Variants in NRP1 observed in about 807,000 individuals in gnomAD.
NRP1 encodes neuropilin 1, also known as neuropilin-1.
In NRP1, 35 loss-of-function variants were observed where a neutral mutation model predicts 106.7. The observed-to-expected ratio is 0.33, with a 90% confidence interval of 0.25 to 0.43. The LOEUF is 0.43. NRP1 is among the 20% of genes least tolerant of loss of function. The pLI is 1.00. For missense variants in NRP1, 1,024 were observed against 1,170.4 expected (o/e 0.87, Z 1.83); for synonymous variants, 437 against 417.9 (o/e 1.05, Z -0.56).
intron 8 of NRP1, among the ~76,000 whole-genome samples, chr10:33,217,445 A>C (rs759832999): frequency 1.3e-5 from 2 of 152,178 alleles, no homozygotes; most frequent in Non-Finnish European, 2.9e-5. Context: ...CACTTTTAAC[A>C]ATAATTTGCA....
chr10:33,247,686 C>A (rs1841525352), intron 6 of NRP1, among the ~76,000 whole-genome samples: 1 of 152,206 alleles, frequency 6.6e-6, no homozygotes, highest in Non-Finnish European at 1.5e-5. Flanking sequence ...ATCAGAGTGG[C>A]CAGAGAGCTT....
At chr10:33,202,695 G>A (rs755741596) in intron 11 of NRP1, 196 bp downstream of exon 11, 1 of 1,550,390 alleles carries the variant, frequency 6.4e-7, no homozygotes, top group Admixed American at 2.0e-5. Context: ...GTTACAAATG[G>A]TTGTGGCTAT....
At chr10:33,218,471 G>T (rs1217260708) in intron 8 of NRP1, among the ~76,000 whole-genome samples, 1 of 151,218 alleles carries the variant, frequency 6.6e-6, no homozygotes, top group Admixed American at 6.6e-5. Context: ...TCAGCCTTCT[G>T]AGTAGCTGGG....
At position 33,323,339 on chromosome 10, in the gene NRP1, A is replaced by G. The variant is rs185384306; in HGVS notation, c.248+7369T>C. 1.1e-4 allele frequency among the ~76,000 whole-genome samples: 16 copies of G among 152,360 alleles called. No homozygotes were observed. The East Asian group carries it at 2.9e-3, about 28-fold the overall frequency. The stretch of plus-strand genomic sequence containing the variant: ...CATGTTGACCAAAGAAGATCTAGCA[A>G]TAAAGACCTGGGCTTGATGAGGAGG... On this transcript the variant is annotated intron_variant, in intron 2 of 16. Transcript: ENST00000374867.
chr10:33,209,922 C>T (rs1838163602), intron 9 of NRP1, among the ~76,000 whole-genome samples: 1 of 152,210 alleles, frequency 6.6e-6, no homozygotes, highest in Admixed American at 6.5e-5. Context: ...GCTGGCCGGC[C>T]CCAGGCCATG....
At chr10:33,206,781 A>G (rs954918084) in intron 10 of NRP1, among the ~76,000 whole-genome samples, 3 of 152,214 alleles carry the variant, frequency 2.0e-5, no homozygotes, top group African/African-American at 7.2e-5. Flanking sequence ...TCTAGTGCAT[A>G]AATATATTAA....
At chr10:33,198,964 C>G (rs1474974187) in intron 11 of NRP1, among the ~76,000 whole-genome samples, 2 of 152,178 alleles carry the variant, frequency 1.3e-5, no homozygotes, top group Non-Finnish European at 2.9e-5. Flanking sequence ...CCTACTGCAT[C>G]TCACTGGTCA....
chr10:33,193,123 G>A (rs114220900), intron 12 of NRP1, among the ~76,000 whole-genome samples: 2,000 of 151,924 alleles, frequency 0.013, 48 homozygotes, highest in African/African-American at 0.046. Context: ...ATAGCTACCC[G>A]TTTTTACTTC....
At chr10:33,198,455 T>C (rs540080878) in intron 11 of NRP1, among the ~76,000 whole-genome samples, 2 of 152,200 alleles carry the variant, frequency 1.3e-5, no homozygotes, top group South Asian at 4.2e-4. Flanking sequence ...AATTTTCAAG[T>C]AGACAACGTA....
Position 33,179,477 on chromosome 10 carries a change from A to T in NRP1, c.*599T>A, listed in dbSNP as rs989976194. ...ACGAGGTTTAGTACAACACCGGAAA[A>T]ACAGCAAGAAAACTGGACAGTATTG... On this transcript the variant is annotated 3_prime_UTR_variant, in exon 17 of 17. Coordinates refer to ENST00000374867, the MANE Select transcript of NRP1 (RefSeq NM_003873.7). 2 of 153,024 alleles carry T rather than the reference A, an allele frequency of 1.3e-5. No homozygotes were observed. Among genetic ancestry groups the T allele is most frequent in the Non-Finnish European group, 2.9e-5 (2 of 68,358 alleles). 9.5% of individuals were successfully genotyped at this position (153,024 alleles called of 1,614,324 possible). A position where few individuals can be genotyped will look rare whatever the true frequency, so the allele number is the denominator to read the frequency against.
At chr10:33,282,750 C>CTT (rs899197034) in intron 2 of NRP1, among the ~76,000 whole-genome samples, 1 of 145,380 alleles carries the variant, frequency 6.9e-6, no homozygotes. Context: ...CTGAACTTTT[C>CTT]TTTTTTTTTT....
intron 13 of NRP1, among the ~76,000 whole-genome samples, chr10:33,189,443 C>A (rs1274608194): frequency 1.3e-5 from 2 of 152,206 alleles, no homozygotes; most frequent in Non-Finnish European, 2.9e-5. Context: ...CTGGCCTCTG[C>A]CATTGGAAGC....
intron 7 of NRP1, among the ~76,000 whole-genome samples, chr10:33,222,722 T>A (rs1464874692): frequency 6.6e-6 from 1 of 152,108 alleles, no homozygotes; most frequent in Non-Finnish European, 1.5e-5. Flanking sequence ...GGTTTCACCA[T>A]GTTGGTTGGC....
chr10:33,220,790 A>G (rs1272351108), intron 8 of NRP1, among the ~76,000 whole-genome samples: 1 of 150,476 alleles, frequency 6.6e-6, no homozygotes, highest in African/African-American at 2.4e-5. Flanking sequence ...AGTACCAGCT[A>G]CTCAGGAGGC....
intron 2 of NRP1, among the ~76,000 whole-genome samples, chr10:33,316,251 C>T (rs947525334): frequency 8.6e-5 from 13 of 151,980 alleles, no homozygotes; most frequent in African/African-American, 2.7e-4. Context: ...GGAGAGACAT[C>T]GTAGATAGAT....
chr10:33,321,402 A>AT (rs560313914), intron 2 of NRP1, among the ~76,000 whole-genome samples: 7 of 152,244 alleles, frequency 4.6e-5, no homozygotes, highest in South Asian at 2.1e-4. Flanking sequence ...ATGAACTGAG[A>AT]TTTTTTTTAA....
At chr10:33,227,033 A>G (rs1208286608) in intron 6 of NRP1, among the ~76,000 whole-genome samples, 4 of 152,232 alleles carry the variant, frequency 2.6e-5, no homozygotes, top group South Asian at 2.1e-4. Flanking sequence ...CAAATATTTT[A>G]TAGAGTTTGA....
chr10:33,206,363 T>G (rs1192125604), intron 10 of NRP1: 2 of 518,334 alleles, frequency 3.9e-6, no homozygotes, highest in Non-Finnish European at 7.7e-6. Flanking sequence ...CCTGGATAAT[T>G]TAGGGGTTTG....
At position 33,263,471 on chromosome 10, in the gene NRP1, G is replaced by T. The variant is rs1252656609; in HGVS notation, c.658+175C>A. Among the ~76,000 whole-genome samples, 3 of 152,138 alleles carry T rather than the reference G, an allele frequency of 2.0e-5. No homozygotes were observed. In the South Asian group the frequency reaches 6.2e-4, roughly 32 times the overall value. ...GGAATTGGACTAGATAATTACTAAG[G>T]TCTTCTTGAGCTCAAATATTTCATC... On this transcript the variant is annotated intron_variant, in intron 4 of 16. Transcript: ENST00000374867.
Sources: allele counts gnomAD v4.1 joint callset (sites outside exome capture counted in the v4.1 genomes callset), GRCh38; gene constraint gnomAD v4.1.1; transcripts MANE v1.5; gene names NCBI Gene and HGNC (gene_info 2026-07-23, HGNC 2026-07-21).